ZFR: variants seen among roughly 807,000 people sequenced by gnomAD.
The protein encoded by ZFR is zinc finger RNA binding protein, also known as zinc finger RNA-binding protein.
Under a neutral mutation model 130.7 loss-of-function variants are expected in ZFR, and 19 were observed. The observed-to-expected ratio is 0.15, with a 90% CI of 0.10 to 0.21. The LOEUF (loss-of-function observed/expected upper bound fraction) is 0.21, where lower values mean the gene tolerates loss of function less well. ZFR is among the 10% of genes least tolerant of loss of function. The pLI is 1.00. For missense variants in ZFR, 872 were observed against 1,321.5 expected (o/e 0.66, Z 5.27); for synonymous variants, 466 against 456.9 (o/e 1.02, Z -0.25).
In ZFR at chr5:32,427,091, G is replaced by A. The variant is rs917785872; in HGVS notation, c.138-6988C>T. 3.9e-5 allele frequency among the ~76,000 whole-genome samples: 6 copies of A among 152,046 alleles called. No individual in the cohort carries two copies. The East Asian group carries it at 1.2e-3, about 29-fold the overall frequency. On this transcript the variant is annotated intron_variant, in intron 2 of 19. Coordinates refer to ENST00000265069, the MANE Select transcript of ZFR (RefSeq NM_016107.5). ...ATGTTAACAATAAACAGGCAATTAA[G>A]AAAACAATTCCACTTACAATAGCGT... is the stretch of plus-strand genomic sequence containing the variant.
Position 32,388,680 on chromosome 5 carries a change from G to A in ZFR, c.2143-6C>T, listed in dbSNP as rs745487781. ...GAGTCAGGACGACGTAAGGGCTACA[G>A]AGAAACAAAGTTGCTCAATTTAAAA... On this transcript the variant is annotated splice_polypyrimidine_tract_variant and splice_region_variant and intron_variant, in intron 12 of 19. Transcript: ENST00000265069. 6.3e-7 allele frequency: 1 copy of A among 1,586,858 alleles called. No individual in the cohort carries two copies. The highest frequency in any genetic ancestry group is 1.2e-5 in the South Asian group (1 of 85,652).
At chr5:32,375,961 C>T (rs1242582893) in intron 17 of ZFR, among the ~76,000 whole-genome samples, 1 of 151,826 alleles carries the variant, frequency 6.6e-6, no homozygotes, top group Non-Finnish European at 1.5e-5. Flanking sequence ...CCTGCCTCAG[C>T]CTCCCGAGTA....
intron 17 of ZFR, among the ~76,000 whole-genome samples, chr5:32,372,662 G>A (rs564091537): frequency 6.5e-4 from 99 of 151,780 alleles, no homozygotes; most frequent in African/African-American, 2.3e-3. Flanking sequence ...GTGAAACTCC[G>A]TCTCTACTAA....
chr5:32,379,805 A>G (rs1752897060), intron 16 of ZFR: 2 of 301,026 alleles, frequency 6.6e-6, no homozygotes, highest in East Asian at 1.1e-4. Flanking sequence ...TTCCTAAACA[A>G]GTCAACTTTA....
intron 5 of ZFR, among the ~76,000 whole-genome samples, chr5:32,411,214 GAT>G (rs1245370863): frequency 1.3e-5 from 2 of 152,210 alleles, no homozygotes; most frequent in African/African-American, 2.4e-5. Context: ...AAAGAGGAAA[GAT>G]GTGTTCAAAG....
chr5:32,415,515 T>TGTGTGTGTGTGTGCGCGC (rs1326041688), intron 4 of ZFR, among the ~76,000 whole-genome samples: 3 of 97,992 alleles, frequency 3.1e-5, no homozygotes, highest in South Asian at 5.9e-4. Flanking sequence ...TGTGTGTGTG[T>TGTGTGTGTGTGTGCGCGC]GCGCGCGCGC....
At chr5:32,442,701 C>G (rs182634902) in intron 2 of ZFR, among the ~76,000 whole-genome samples, 212 of 152,206 alleles carry the variant, frequency 1.4e-3, no homozygotes, top group Non-Finnish European at 2.7e-3. Flanking sequence ...GAGTCTTAAG[C>G]AGTGTCTTAA....
At chr5:32,397,179 T>G (rs1753333991) in intron 10 of ZFR, 40 bp downstream of exon 10, 1 of 1,560,874 alleles carries the variant, frequency 6.4e-7, no homozygotes, top group Non-Finnish European at 8.6e-7. Flanking sequence ...TTGTTTTTGT[T>G]TTTTGTTTTA....
At chr5:32,380,627 T>A (rs1328946497) in intron 15 of ZFR, among the ~76,000 whole-genome samples, 6 of 148,024 alleles carry the variant, frequency 4.1e-5, no homozygotes, top group Non-Finnish European at 7.4e-5. Context: ...AGGAAAAAAA[T>A]GAAGAACCCA....
chr5:32,442,266 G>A (rs1020020568), intron 2 of ZFR, among the ~76,000 whole-genome samples: 2 of 152,176 alleles, frequency 1.3e-5, no homozygotes, highest in Admixed American at 6.5e-5. Flanking sequence ...CGGAATACTA[G>A]TAATTGCCAG....
intron 19 of ZFR, among the ~76,000 whole-genome samples, chr5:32,363,721 CACTT>C (rs1352347176): frequency 1.3e-5 from 2 of 152,138 alleles, no homozygotes; most frequent in Admixed American, 6.6e-5. Context: ...ATATACAATA[CACTT>C]ACTTAGAAAT....
chr5:32,426,363 C>A (rs1754072293), intron 2 of ZFR, among the ~76,000 whole-genome samples: 1 of 150,110 alleles, frequency 6.7e-6, no homozygotes, highest in African/African-American at 2.5e-5. Context: ...TAGCATTTGA[C>A]AAGAGTCAAC....
At chr5:32,419,763 T>C in intron 3 of ZFR, 58 bp downstream of exon 3, 2 of 1,527,280 alleles carry the variant, frequency 1.3e-6, no homozygotes, top group South Asian at 2.5e-5. Context: ...CATTACATTA[T>C]ACACTGAAGA....
intron 5 of ZFR, among the ~76,000 whole-genome samples, chr5:32,407,721 G>T (rs1224614639): frequency 6.6e-6 from 1 of 152,128 alleles, no homozygotes; most frequent in Non-Finnish European, 1.5e-5. Flanking sequence ...TCTTCCAAAA[G>T]ATGAAAAAGC....
At chr5:32,410,523 G>A (rs1026028053) in intron 5 of ZFR, among the ~76,000 whole-genome samples, 37 of 151,360 alleles carry the variant, frequency 2.4e-4, no homozygotes, top group African/African-American at 8.8e-4. Context: ...GGCTGAGGTG[G>A]GAGGATCTCT....
At chr5:32,356,001 A>C in intron 19 of ZFR, 62 bp from the exon 20 acceptor site, 1 of 1,359,554 alleles carries the variant, frequency 7.4e-7, no homozygotes, top group Admixed American at 2.6e-5. Context: ...AATACTTACT[A>C]CATTTACCTC....
chr5:32,384,400 A>G (rs995061038), intron 15 of ZFR, among the ~76,000 whole-genome samples: 21 of 152,320 alleles, frequency 1.4e-4, no homozygotes, highest in African/African-American at 5.1e-4. Flanking sequence ...CAAAGTATGT[A>G]AAATTAGACA....
intron 2 of ZFR, among the ~76,000 whole-genome samples, chr5:32,431,683 T>C (rs1754220349): frequency 6.6e-6 from 1 of 151,984 alleles, no homozygotes; most frequent in African/African-American, 2.4e-5. Flanking sequence ...CTCAACAGTG[T>C]TGGACTTTTC....
chr5:32,433,144 T>C (rs932397422), intron 2 of ZFR, among the ~76,000 whole-genome samples: 1 of 152,154 alleles, frequency 6.6e-6, no homozygotes, highest in Non-Finnish European at 1.5e-5. Context: ...CGTATGAAAA[T>C]TGTTAATTTT....
Sources: allele counts gnomAD v4.1 joint callset (sites outside exome capture counted in the v4.1 genomes callset), GRCh38; gene constraint gnomAD v4.1.1; transcripts MANE v1.5; gene names NCBI Gene and HGNC (gene_info 2026-07-23, HGNC 2026-07-21).